Variants in MYRIP observed in about 807,000 individuals in gnomAD.
The protein encoded by MYRIP is myosin VIIA and Rab interacting protein.
Under a neutral mutation model 98.0 loss-of-function variants are expected in MYRIP, and 49 were observed. The observed-to-expected ratio is 0.50, with a 90% CI of 0.40 to 0.63. The LOEUF (loss-of-function observed/expected upper bound fraction) is 0.63, where lower values mean the gene tolerates loss of function less well. MYRIP is among the 30% of genes least tolerant of loss of function. The pLI is 0.00. For synonymous variants in MYRIP, 404 were observed against 409.5 expected (o/e 0.99, Z 0.16); for missense variants, 1,004 against 1,058.2 (o/e 0.95, Z 0.71).
chr3:39,825,474 A>G (rs1324545422), intron 1 of MYRIP, among the ~76,000 whole-genome samples: 1 of 152,076 alleles, frequency 6.6e-6, no homozygotes, highest in East Asian at 1.9e-4. Context: ...TTTGCCCTTC[A>G]TTCTGTTGAT....
intron 3 of MYRIP, among the ~76,000 whole-genome samples, chr3:40,110,620 C>T (rs1949138636): frequency 6.6e-6 from 1 of 152,158 alleles, no homozygotes; most frequent in Non-Finnish European, 1.5e-5. Flanking sequence ...TGAGGCTTCT[C>T]CTACCAACCA....
intron 3 of MYRIP, among the ~76,000 whole-genome samples, chr3:40,045,391 A>G (rs1947649852): frequency 6.6e-6 from 1 of 152,160 alleles, no homozygotes; most frequent in South Asian, 2.1e-4. Flanking sequence ...CCTGTGCCTG[A>G]CTTGGTCAGA....
At chr3:40,032,182 T>C (rs1298141140) in intron 2 of MYRIP, among the ~76,000 whole-genome samples, 3 of 152,168 alleles carry the variant, frequency 2.0e-5, no homozygotes, top group Non-Finnish European at 2.9e-5. Context: ...GATTCTGGTA[T>C]GTTGTGTCTT....
At chr3:39,890,716 A>AT (rs1248331199) in intron 1 of MYRIP, among the ~76,000 whole-genome samples, 2 of 146,286 alleles carry the variant, frequency 1.4e-5, no homozygotes, top group Non-Finnish European at 3.0e-5. Context: ...TTTTGTTTTG[A>AT]TTTTTTATTT....
At chr3:39,862,596 C>A (rs1942506645) in intron 1 of MYRIP, among the ~76,000 whole-genome samples, 1 of 152,214 alleles carries the variant, frequency 6.6e-6, no homozygotes, top group Admixed American at 6.5e-5. Context: ...GAAGACCTAA[C>A]TATCCTAAAT....
intron 2 of MYRIP, among the ~76,000 whole-genome samples, chr3:39,988,559 C>T (rs1463102105): frequency 6.6e-6 from 1 of 152,038 alleles, no homozygotes; most frequent in Admixed American, 6.6e-5. Flanking sequence ...GTTGCCCTGT[C>T]TTGCTAGGTT....
intron 10 of MYRIP, among the ~76,000 whole-genome samples, chr3:40,204,142 TATAATATATAAATATATAATATA>T (rs1559451804): frequency 1.2e-4 from 5 of 40,082 alleles, no homozygotes; most frequent in South Asian, 1.2e-3. Flanking sequence ...TAATATATTA[TATAATATATAAATATATAATATA>T]ATATTTATAT....
chr3:40,095,670 C>G (rs1054027101), intron 3 of MYRIP, among the ~76,000 whole-genome samples: 1 of 152,106 alleles, frequency 6.6e-6, no homozygotes, highest in Non-Finnish European at 1.5e-5. Context: ...TGCAGAGACA[C>G]CACAGGCAGA....
intron 2 of MYRIP, among the ~76,000 whole-genome samples, chr3:39,969,233 T>C (rs1441921970): frequency 6.6e-6 from 1 of 151,938 alleles, no homozygotes; most frequent in Non-Finnish European, 1.5e-5. Context: ...GGGCCGAGAC[T>C]GGGATTTTCT....
chr3:39,815,562 G>A (rs1288751095), intron 1 of MYRIP, among the ~76,000 whole-genome samples: 2 of 152,010 alleles, frequency 1.3e-5, no homozygotes, highest in African/African-American at 4.8e-5. Flanking sequence ...TAAGGGGGCT[G>A]TTTTTTTGTA....
At position 39,838,942 on chromosome 3, in the gene MYRIP, G is replaced by T. The variant is rs576854092; in HGVS notation, c.-31+29026G>T. 3.9e-5 allele frequency among the ~76,000 whole-genome samples: 6 copies of T among 152,242 alleles called. No individual in the cohort carries two copies. The South Asian group carries it at 1.0e-3, about 26-fold the overall frequency. ...TTCTTCCTGGTTTAGTCTTGGAAGG[G>T]TGTATGTGTCCAGGAATTTATCCAT... On this transcript the variant is annotated intron_variant, in intron 1 of 16. Coordinates refer to ENST00000302541, the MANE Select transcript of MYRIP (RefSeq NM_015460.4).
chr3:39,875,017 G>T (rs1310332208), intron 1 of MYRIP, among the ~76,000 whole-genome samples: 1 of 152,148 alleles, frequency 6.6e-6, no homozygotes, highest in African/African-American at 2.4e-5. Context: ...CACAATTTCG[G>T]ATACTGTTAT....
intron 1 of MYRIP, among the ~76,000 whole-genome samples, chr3:39,894,528 C>T (rs1443566359): frequency 3.9e-5 from 6 of 152,124 alleles, no homozygotes; most frequent in Non-Finnish European, 5.9e-5. Flanking sequence ...CTTGCATAGA[C>T]GGTTCATTTG....
chr3:40,051,073 T>C (rs977597639), intron 3 of MYRIP, among the ~76,000 whole-genome samples: 2 of 152,178 alleles, frequency 1.3e-5, no homozygotes, highest in African/African-American at 4.8e-5. Context: ...TTAGAATAGT[T>C]CATAAACTTA....
chr3:39,891,876 C>T (rs987033070), intron 1 of MYRIP, among the ~76,000 whole-genome samples: 11 of 151,568 alleles, frequency 7.3e-5, no homozygotes, highest in Middle Eastern at 3.4e-3. Context: ...GGACTACTAA[C>T]CATTTTTCTT....
chr3:40,071,555 T>TAA (rs1948229419), intron 3 of MYRIP, among the ~76,000 whole-genome samples: 1 of 142,066 alleles, frequency 7.0e-6, no homozygotes, highest in Non-Finnish European at 1.5e-5. Flanking sequence ...GGCACAAGGG[T>TAA]CAACTCTAGG....
In MYRIP at chr3:39,917,727, A is replaced by G. The variant is rs201643646; in HGVS notation, c.110+16801A>G. On this transcript the variant is annotated intron_variant, in intron 2 of 16. Transcript: ENST00000302541. The stretch of plus-strand genomic sequence containing the variant: ...GCCTAACTCAGACCAGATGATGCCC[A>G]AGACCCCAAGTCTGTTACATCTGTA... Among the ~76,000 whole-genome samples, 5 of 59,808 alleles carry G rather than the reference A, an allele frequency of 8.4e-5. No homozygotes were observed. The South Asian group carries it at 1.8e-3, about 22-fold the overall frequency. 39.2% of individuals were successfully genotyped at this position (59,808 alleles called of 152,430 possible). A position where few individuals can be genotyped will look rare whatever the true frequency, so the allele number is the denominator to read the frequency against.
chr3:40,229,934 C>T (rs557414409), intron 11 of MYRIP, among the ~76,000 whole-genome samples: 2 of 152,300 alleles, frequency 1.3e-5, no homozygotes, highest in East Asian at 3.9e-4. Flanking sequence ...TTGGCATACA[C>T]TTGGCATTTT....
At chr3:40,076,882 C>T (rs1445349645) in intron 3 of MYRIP, among the ~76,000 whole-genome samples, 1 of 152,162 alleles carries the variant, frequency 6.6e-6, no homozygotes, top group Non-Finnish European at 1.5e-5. Context: ...TCATAATTTT[C>T]TGTATTTCAG....
Sources: gnomAD v4.1 joint callset for allele counts (sites outside exome capture counted in the v4.1 genomes callset) on GRCh38, gnomAD v4.1.1 for gene constraint, MANE v1.5 for transcripts, NCBI Gene and HGNC (gene_info 2026-07-23, HGNC 2026-07-21) for gene names.